ACTR3B: variants seen among roughly 807,000 people sequenced by gnomAD.
ACTR3B encodes actin-related protein 3B.
A neutral mutation model predicts 59.0 loss-of-function variants in ACTR3B; 8 were observed. The observed-to-expected ratio is 0.14, with a 90% CI of 0.08 to 0.24. The LOEUF is 0.24. Among genes scored for constraint, ACTR3B ranks in the 10% least tolerant of loss-of-function variants. The pLI is 1.00. For missense variants in ACTR3B, 245 were observed against 552.3 expected (o/e 0.44, Z 5.58); for synonymous variants, 148 against 197.9 (o/e 0.75, Z 2.12).
intron 9 of ACTR3B, among the ~76,000 whole-genome samples, chr7:152,839,264 C>T (rs1444446353): frequency 7.5e-6 from 1 of 132,796 alleles, no homozygotes; most frequent in African/African-American, 3.4e-5. Context: ...GGCTGCGGGG[C>T]GGGGGGTGGC....
At chr7:152,803,793 G>C (rs555833594) in intron 4 of ACTR3B, among the ~76,000 whole-genome samples, 1 of 152,190 alleles carries the variant, frequency 6.6e-6, no homozygotes, top group Non-Finnish European at 1.5e-5. Context: ...AAAACAATCA[G>C]GTTTATTATT....
At chr7:152,815,889 A>G (rs1435239712) in intron 5 of ACTR3B, among the ~76,000 whole-genome samples, 3 of 152,190 alleles carry the variant, frequency 2.0e-5, no homozygotes, top group East Asian at 1.9e-4. Flanking sequence ...TTATGATTCT[A>G]TAATGAAATA....
chr7:152,852,579 A>G (rs1461517739), intron 10 of ACTR3B, among the ~76,000 whole-genome samples: 1 of 152,180 alleles, frequency 6.6e-6, no homozygotes, highest in Non-Finnish European at 1.5e-5. Context: ...GGACTAATTT[A>G]TGGTGAGGAT....
chr7:152,810,391 G>C (rs1415153937), intron 4 of ACTR3B, among the ~76,000 whole-genome samples: 3 of 149,164 alleles, frequency 2.0e-5, no homozygotes, highest in African/African-American at 7.4e-5. Flanking sequence ...ACAGGTGTGA[G>C]CCACAGCACC....
intron 7 of ACTR3B, among the ~76,000 whole-genome samples, chr7:152,822,024 T>C (rs1463533740): frequency 2.0e-5 from 3 of 152,214 alleles, no homozygotes; most frequent in Non-Finnish European, 4.4e-5. Context: ...TGCTGTAGGA[T>C]GTTGACCAGG....
intron 2 of ACTR3B, among the ~76,000 whole-genome samples, chr7:152,800,128 T>C (rs2098230306): frequency 6.6e-6 from 1 of 152,272 alleles, no homozygotes; most frequent in South Asian, 2.1e-4. Context: ...ATTATAGACA[T>C]TATTTTTCAG....
chr7:152,772,215 G>A (rs1173336306), intron 1 of ACTR3B, among the ~76,000 whole-genome samples: 1 of 151,596 alleles, frequency 6.6e-6, no homozygotes, highest in Non-Finnish European at 1.5e-5. Flanking sequence ...AGATGATGAA[G>A]CAATGCTTAA....
intron 1 of ACTR3B, among the ~76,000 whole-genome samples, chr7:152,763,871 T>G (rs13309425): frequency 1.6e-4 from 25 of 152,386 alleles, no homozygotes; most frequent in Middle Eastern, 3.4e-3. Context: ...ATTGTCTGTA[T>G]GAGTTGTCGT....
intron 5 of ACTR3B, among the ~76,000 whole-genome samples, chr7:152,815,296 G>A (rs1010320760): frequency 1.3e-5 from 2 of 152,156 alleles, no homozygotes; most frequent in African/African-American, 4.8e-5. Context: ...CAGCTTTCTC[G>A]GGCTGATTCA....
rs73166486 is a variant in ACTR3B at position 152,781,425 on chromosome 7, A to G, written c.45-1762A>G. 2.6e-3 allele frequency among the ~76,000 whole-genome samples: 399 copies of G among 152,160 alleles called. 6 individuals carry two copies. The highest frequency in any genetic ancestry group is 1.0e-3 in the Non-Finnish European group (69 of 68,018). Reference sequence around the variant, plus strand: ...TACATTGAGCTGTTATTTCTGGAGTATTTGCCATGTGCCAGGCACTGTGCC... The same window carrying G: ...TACATTGAGCTGTTATTTCTGGAGTGTTTGCCATGTGCCAGGCACTGTGCC... On this transcript the variant is annotated intron_variant, in intron 1 of 11. Coordinates refer to ENST00000256001, the MANE Select transcript of ACTR3B (RefSeq NM_020445.6).
At chr7:152,771,209 C>T (rs550836215) in intron 1 of ACTR3B, among the ~76,000 whole-genome samples, 1 of 152,140 alleles carries the variant, frequency 6.6e-6, no homozygotes, top group Non-Finnish European at 1.5e-5. Flanking sequence ...CCTGCCTCAG[C>T]CTCCCAAAGT....
intron 1 of ACTR3B, among the ~76,000 whole-genome samples, chr7:152,762,980 C>T (rs1339161049): frequency 6.6e-6 from 1 of 152,132 alleles, no homozygotes; most frequent in African/African-American, 2.4e-5. Flanking sequence ...GTGATGTCCA[C>T]GAGGTTTCTT....
At chr7:152,837,066 C>T (rs1797519619) in intron 9 of ACTR3B, among the ~76,000 whole-genome samples, 1 of 152,232 alleles carries the variant, frequency 6.6e-6, no homozygotes, top group South Asian at 2.1e-4. Context: ...GTCTCAGCTA[C>T]TTGGGAGACT....
chr7:152,768,978 G>T (rs1294396203), intron 1 of ACTR3B, among the ~76,000 whole-genome samples: 1 of 151,276 alleles, frequency 6.6e-6, no homozygotes, highest in Admixed American at 6.6e-5. Flanking sequence ...TCAGCCTCCC[G>T]AGGAGCTGGG....
intron 2 of ACTR3B, among the ~76,000 whole-genome samples, chr7:152,791,923 G>T (rs1038901356): frequency 4.6e-5 from 7 of 152,062 alleles, no homozygotes; most frequent in African/African-American, 1.7e-4. Flanking sequence ...ACAGAATCTC[G>T]CTTTGTTGCC....
chr7:152,781,299 T>G (rs6976679), intron 1 of ACTR3B, among the ~76,000 whole-genome samples: 64,348 of 150,190 alleles, frequency 0.43, 14,566 homozygotes, highest in Non-Finnish European at 0.5. Flanking sequence ...TTTTTTCTGG[T>G]TCCATCAGAT....
chr7:152,761,414 A>G (rs532490865), intron 1 of ACTR3B, among the ~76,000 whole-genome samples: 12 of 152,338 alleles, frequency 7.9e-5, no homozygotes, highest in Non-Finnish European at 1.6e-4. Flanking sequence ...CAGAACTATT[A>G]AAATATAAAG....
At chr7:152,797,476 G>A (rs140043970) in intron 2 of ACTR3B, among the ~76,000 whole-genome samples, 4,486 of 152,212 alleles carry the variant, frequency 0.029, 96 homozygotes, top group Middle Eastern at 0.099. Flanking sequence ...CATTGTGAAT[G>A]GTTAAATCTA....
chr7:152,784,477 T>A (rs1463303331), intron 2 of ACTR3B, among the ~76,000 whole-genome samples: 2 of 152,042 alleles, frequency 1.3e-5, no homozygotes, highest in African/African-American at 4.8e-5. Context: ...AAACTGGCCA[T>A]GAATGTGATT....
Sources: gnomAD v4.1 joint callset for allele counts (sites outside exome capture counted in the v4.1 genomes callset) on GRCh38, gnomAD v4.1.1 for gene constraint, MANE v1.5 for transcripts, NCBI Gene and HGNC (gene_info 2026-07-23, HGNC 2026-07-21) for gene names.